Variants in RSU1 observed in about 807,000 individuals in gnomAD.
RSU1 encodes the protein Ras suppressor protein 1, also known as rsu-1.
RSU1 carries 26 observed loss-of-function variants against 31.1 expected under a neutral mutation model. That is an observed-to-expected ratio of 0.84 (90% CI 0.61 to 1.16). The LOEUF (loss-of-function observed/expected upper bound fraction) is 1.16, where lower values mean the gene tolerates loss of function less well. Ranked by LOEUF, RSU1 falls within the 50% of genes most tolerant of loss-of-function variation. The probability of loss-of-function intolerance (pLI) is 0.00; values close to 1 mark genes in which losing one functional copy is unlikely to be tolerated. For synonymous variants in RSU1, 164 were observed against 136.3 expected (o/e 1.20, Z -1.41); for missense variants, 320 against 339.1 (o/e 0.94, Z 0.44).
chr10:16,629,889 G>A (rs946552632), intron 8 of RSU1, among the ~76,000 whole-genome samples: 10 of 152,170 alleles, frequency 6.6e-5, no homozygotes, highest in African/African-American at 1.2e-4. Context: ...GATGAATAAC[G>A]ATTGAGCTGC....
At chr10:16,814,341 G>A (rs556401687) in intron 2 of RSU1, among the ~76,000 whole-genome samples, 19 of 151,942 alleles carry the variant, frequency 1.3e-4, no homozygotes, top group African/African-American at 4.6e-4. Context: ...CCAGCTACTC[G>A]GGAGGCTGAG....
intron 7 of RSU1, among the ~76,000 whole-genome samples, chr10:16,726,571 G>T (rs1036487421): frequency 6.6e-6 from 1 of 152,054 alleles, no homozygotes; most frequent in Non-Finnish European, 1.5e-5. Context: ...GGCCAAGAAC[G>T]TATCTTGAAT....
chr10:16,668,077 A>G (rs1835033834), intron 8 of RSU1, among the ~76,000 whole-genome samples: 1 of 152,208 alleles, frequency 6.6e-6, no homozygotes, highest in South Asian at 2.1e-4. Context: ...TTGGGTTTCA[A>G]TTCTGGCTCT....
intron 7 of RSU1, among the ~76,000 whole-genome samples, chr10:16,710,489 C>T (rs1245083752): frequency 6.6e-6 from 1 of 152,070 alleles, no homozygotes; most frequent in Non-Finnish European, 1.5e-5. Context: ...GTATCGTTGT[C>T]TGGTTTCAGG....
intron 8 of RSU1, among the ~76,000 whole-genome samples, chr10:16,671,235 G>T (rs898558449): frequency 1.4e-4 from 22 of 152,102 alleles, no homozygotes; most frequent in African/African-American, 5.3e-4. Context: ...TAGAAACAGG[G>T]TCACACTATG....
intron 3 of RSU1, among the ~76,000 whole-genome samples, chr10:16,771,290 A>G (rs976722262): frequency 1.3e-5 from 2 of 152,236 alleles, no homozygotes; most frequent in Non-Finnish European, 2.9e-5. Context: ...TTTGATGAAT[A>G]TGATAGTGAA....
intron 8 of RSU1, among the ~76,000 whole-genome samples, chr10:16,639,080 G>T (rs1174690256): frequency 6.6e-6 from 1 of 152,118 alleles, no homozygotes; most frequent in Non-Finnish European, 1.5e-5. Context: ...GTTGACGAGT[G>T]GTAATGTATG....
rs73599201 is a variant in RSU1, at chr10:16,603,349, C to T, written c.732-9853G>A. Among the ~76,000 whole-genome samples, 596 of 152,260 alleles carry T rather than the reference C, an allele frequency of 3.9e-3. 5 individuals are homozygous for T. Among genetic ancestry groups the T allele is most frequent in the African/African-American group, 0.014 (574 of 41,542 alleles). On this transcript the variant is annotated intron_variant, in intron 8 of 8. Transcript: ENST00000345264. ...TGGAGGGGAGAAATGAGGATTCTGGCAGAGCAAAACTAACAATATCATGCA... is the reference window on the plus strand; with the variant it reads ...TGGAGGGGAGAAATGAGGATTCTGGTAGAGCAAAACTAACAATATCATGCA...
chr10:16,756,103 A>C (rs1837079279), intron 4 of RSU1, among the ~76,000 whole-genome samples: 1 of 151,828 alleles, frequency 6.6e-6, no homozygotes, highest in Non-Finnish European at 1.5e-5. Context: ...CCTTTTTTGG[A>C]GGGAAAATCA....
At chr10:16,628,218 C>T (rs1238296874) in intron 8 of RSU1, among the ~76,000 whole-genome samples, 1 of 152,158 alleles carries the variant, frequency 6.6e-6, no homozygotes, top group Non-Finnish European at 1.5e-5. Flanking sequence ...GAACATGATC[C>T]TAGAAGTTAG....
chr10:16,729,194 T>C (rs1038647753), intron 7 of RSU1, among the ~76,000 whole-genome samples: 1 of 152,260 alleles, frequency 6.6e-6, no homozygotes. Flanking sequence ...TAGAATAATC[T>C]ACTTTTGTCT....
intron 7 of RSU1, among the ~76,000 whole-genome samples, chr10:16,751,291 G>A (rs1329801911): frequency 6.6e-6 from 1 of 152,170 alleles, no homozygotes; most frequent in Non-Finnish European, 1.5e-5. Flanking sequence ...GAGAAGTGTT[G>A]AGTTGCTCCT....
At chr10:16,791,858 T>C (rs967385918) in intron 2 of RSU1, among the ~76,000 whole-genome samples, 1 of 152,146 alleles carries the variant, frequency 6.6e-6, no homozygotes, top group Admixed American at 6.5e-5. Context: ...GCCCAACTTA[T>C]CACAAAGATG....
At chr10:16,648,223 C>T (rs560980842) in intron 8 of RSU1, among the ~76,000 whole-genome samples, 2 of 151,992 alleles carry the variant, frequency 1.3e-5, no homozygotes, top group South Asian at 4.2e-4. Context: ...GCCTCCACTT[C>T]CTAAAGTGCT....
intron 2 of RSU1, among the ~76,000 whole-genome samples, chr10:16,785,849 C>T (rs1230948378): frequency 6.6e-6 from 1 of 152,168 alleles, no homozygotes; most frequent in African/African-American, 2.4e-5. Flanking sequence ...GTTTTCCCCT[C>T]TTGTAATTAG....
intron 8 of RSU1, among the ~76,000 whole-genome samples, chr10:16,660,254 C>T (rs535019013): frequency 2.0e-5 from 3 of 152,140 alleles, no homozygotes; most frequent in Non-Finnish European, 4.4e-5. Flanking sequence ...ACTCACTGCA[C>T]GCCCAGTGTG....
intron 8 of RSU1, among the ~76,000 whole-genome samples, chr10:16,693,527 ATCT>A (rs1835608115): frequency 6.6e-6 from 1 of 152,148 alleles, no homozygotes; most frequent in Non-Finnish European, 1.5e-5. Flanking sequence ...ACCTTTAGCA[ATCT>A]TCTAGCTTTC....
At chr10:16,656,694 T>A (rs184610086) in intron 8 of RSU1, among the ~76,000 whole-genome samples, 20 of 152,314 alleles carry the variant, frequency 1.3e-4, no homozygotes, top group Admixed American at 1.3e-3. Context: ...AACTAGAAGG[T>A]CTTATCTACC....
At chr10:16,642,047 T>C (rs948799595) in intron 8 of RSU1, among the ~76,000 whole-genome samples, 12 of 152,162 alleles carry the variant, frequency 7.9e-5, no homozygotes, top group African/African-American at 1.2e-4. Context: ...TATAAAAACA[T>C]CCTGCTGCTC....
Sources: gnomAD v4.1 joint callset for allele counts (sites outside exome capture counted in the v4.1 genomes callset) on GRCh38, gnomAD v4.1.1 for gene constraint, MANE v1.5 for transcripts, NCBI Gene and HGNC (gene_info 2026-07-23, HGNC 2026-07-21) for gene names.